LAPTM4A: variants seen among roughly 807,000 people sequenced by gnomAD.
LAPTM4A encodes lysosomal protein transmembrane 4 alpha, also known as lysosomal-associated transmembrane protein 4A.
A neutral mutation model predicts 29.9 loss-of-function variants in LAPTM4A; 19 were observed. That is an observed-to-expected ratio of 0.64 (90% CI 0.44 to 0.93). LAPTM4A has a LOEUF of 0.93. LAPTM4A is among the 40% of genes least tolerant of loss of function. LAPTM4A has a pLI of 0.00. For synonymous variants in LAPTM4A, 105 were observed against 102.1 expected, an observed-to-expected ratio of 1.03 and a Z score of -0.17; for missense variants, 293 against 288.5, an observed-to-expected ratio of 1.02 and a Z score of -0.11.
Position 20,040,753 on chromosome 2 carries a change from G to T in LAPTM4A, c.232+138C>A, listed in dbSNP as rs1011228588. 2.4e-5 allele frequency: 20 copies of T among 819,116 alleles called. No individual in the cohort carries two copies. The Admixed American group carries it at 4.9e-4, about 20-fold the overall frequency. 50.7% of individuals were successfully genotyped at this position (819,116 alleles called of 1,614,324 possible). ...AGTAGGCTACGCTATCTAGGTTTGTGTAAGTACACCCTATGATGTTCACAC... is the reference window on the plus strand; with the variant it reads ...AGTAGGCTACGCTATCTAGGTTTGTTTAAGTACACCCTATGATGTTCACAC... On this transcript the variant is annotated intron_variant, in intron 2 of 6. Coordinates refer to ENST00000175091, the MANE Select transcript of LAPTM4A (RefSeq NM_014713.5).
At chr2:20,033,916 T>C (rs1260024102) in intron 6 of LAPTM4A, among the ~76,000 whole-genome samples, 1 of 152,144 alleles carries the variant, frequency 6.6e-6, no homozygotes, top group Non-Finnish European at 1.5e-5. Context: ...GAAACCACTG[T>C]ATTCATCTCC....
At chr2:20,039,676 T>C (rs1291155824) in intron 2 of LAPTM4A, among the ~76,000 whole-genome samples, 1 of 152,230 alleles carries the variant, frequency 6.6e-6, no homozygotes, top group Non-Finnish European at 1.5e-5. Flanking sequence ...ACTGTACCAC[T>C]GCACTCCAGT....
At chr2:20,041,171 C>A (rs902969772) in intron 1 of LAPTM4A, among the ~76,000 whole-genome samples, 160 bp from the exon 2 acceptor site, 1 of 152,024 alleles carries the variant, frequency 6.6e-6, no homozygotes, top group African/African-American at 2.4e-5. Context: ...TACGCAATTA[C>A]CACTATGAGA....
chr2:20,033,266 G>A lies in LAPTM4A; in HGVS notation c.641C>T (p.Thr214Ile). The A allele has an allele frequency of 6.2e-7, 1 of 1,613,842 alleles. No homozygotes were observed. Among genetic ancestry groups the A allele is most frequent in the South Asian group, 1.1e-5 (1 of 91,072 alleles). The change falls in exon 7 of 7, where the codon ACC (threonine) becomes ATC (isoleucine). Residue 214 changes from threonine to isoleucine, a missense_variant. Physicochemically the swap from Thr to Ile is moderately conservative, Grantham distance 89 (BLOSUM62 -1). Coordinates refer to ENST00000175091, the MANE Select transcript of LAPTM4A (RefSeq NM_014713.5). Reference protein sequence around the residue: ...FEAPPQYVLPTYEMAVKMPEK... With the variant: ...FEAPPQYVLPIYEMAVKMPEK... The stretch of plus-strand genomic sequence containing the variant: ...AGGCATTTTCACGGCCATTTCATAG[G>A]TTGGCAAAACGTACTAAAGAGAGAA...
At chr2:20,050,240 C>T (rs1404080414) in intron 1 of LAPTM4A, among the ~76,000 whole-genome samples, 2 of 152,170 alleles carry the variant, frequency 1.3e-5, no homozygotes, top group Non-Finnish European at 2.9e-5. Context: ...CGGGGGTGGG[C>T]CATGAAACAG....
Position 20,051,395 on chromosome 2 carries a change from G to T in LAPTM4A, c.111+15C>A, listed in dbSNP as rs778752764. The T allele has an allele frequency of 7.2e-7, 1 of 1,390,098 alleles. No individual in the cohort carries two copies. Among genetic ancestry groups the T allele is most frequent in the Non-Finnish European group, 9.7e-7 (1 of 1,031,044 alleles). The allele number at this position is 1,390,098 out of a possible 1,614,324, so 86.1% of individuals were successfully genotyped here. ...CAGGCCCCCCGGACATACGCGCCAC[G>T]CCTGCCCGCCTTACCATGTACCAGG... On this transcript the variant is annotated intron_variant, in intron 1 of 6. Transcript: ENST00000175091.
intron 1 of LAPTM4A, among the ~76,000 whole-genome samples, chr2:20,042,247 G>A (rs1225793516): frequency 6.6e-6 from 1 of 152,164 alleles, no homozygotes; most frequent in East Asian, 1.9e-4. Context: ...TTACAGGCAT[G>A]AGCCACCGCA....
chr2:20,037,643 A>G (rs764480469), intron 2 of LAPTM4A, 29 bp from the exon 3 acceptor site: 1 of 1,443,530 alleles, frequency 6.9e-7, no homozygotes, highest in Non-Finnish European at 9.6e-7. Flanking sequence ...AAATCTAATT[A>G]AGCTACTTAC....
intron 4 of LAPTM4A, chr2:20,035,264 A>G (rs1249602279): frequency 1.3e-5 from 7 of 532,398 alleles, no homozygotes; most frequent in Non-Finnish European, 2.0e-5. Context: ...CTTAGAGTAC[A>G]TTTGATAACC....
chr2:20,034,621 A>T (rs933839472), intron 5 of LAPTM4A, among the ~76,000 whole-genome samples: 4 of 152,182 alleles, frequency 2.6e-5, no homozygotes, highest in Non-Finnish European at 4.4e-5. Context: ...TCAGAGAGAA[A>T]CCAGAGATGG....
intron 1 of LAPTM4A, among the ~76,000 whole-genome samples, chr2:20,042,574 G>C (rs531121820): frequency 6.6e-6 from 1 of 152,346 alleles, no homozygotes; most frequent in East Asian, 1.9e-4. Flanking sequence ...AAAGCTGCCA[G>C]AGGCTGCCCC....
chr2:20,038,832 T>C lies in LAPTM4A; in HGVS notation c.233-1218A>G, dbSNP rs532818286. Among the ~76,000 whole-genome samples, 20 of 151,056 alleles carry C rather than the reference T, an allele frequency of 1.3e-4. No individual in the cohort carries two copies. In the East Asian group the frequency reaches 3.7e-3, roughly 28 times the overall value. On this transcript the variant is annotated intron_variant, in intron 2 of 6. Transcript: ENST00000175091. The stretch of plus-strand genomic sequence containing the variant: ...GTATGCACAAAAGATGTTTTAAAAA[T>C]GAAAAAAGAAAAAAAATACTGAGGG...
Position 20,050,941 on chromosome 2 carries a change from A to G in LAPTM4A, c.111+469T>C, listed in dbSNP as rs541556302. ...TACCGCTGGATCTTTCGCTTTCCCA[A>G]CGGGAAGACCAATGTCGAAACTAGA... On this transcript the variant is annotated intron_variant, in intron 1 of 6. Transcript: ENST00000175091. Among the ~76,000 whole-genome samples, 11 of 152,362 alleles carry G rather than the reference A, an allele frequency of 7.2e-5. No individual in the cohort carries two copies. In the East Asian group the frequency reaches 2.1e-3, roughly 29 times the overall value.
chr2:20,048,020 T>C (rs961473002), intron 1 of LAPTM4A, among the ~76,000 whole-genome samples: 3 of 152,160 alleles, frequency 2.0e-5, no homozygotes, highest in African/African-American at 4.8e-5. Flanking sequence ...TAGAAAGGAA[T>C]AGAGCTTAAG....
chr2:20,047,607 G>A (rs1673958430), intron 1 of LAPTM4A, among the ~76,000 whole-genome samples: 3 of 148,622 alleles, frequency 2.0e-5, no homozygotes, highest in Admixed American at 6.7e-5. Context: ...GGAGAATGGC[G>A]TGAACCCGGG....
Position 20,051,531 on chromosome 2 carries a change from G to A in LAPTM4A, c.-11C>T. 1.3e-6 allele frequency: 2 copies of A among 1,558,672 alleles called. No homozygotes were observed. Among genetic ancestry groups the A allele is most frequent in the Non-Finnish European group, 1.8e-6 (2 of 1,141,728 alleles). ...ACTCATGGACACCATCGTAACAGGC[G>A]GGCCTCCTTCTTGGCCGGGCCCCTG... is the stretch of plus-strand genomic sequence containing the variant. On this transcript the variant is annotated 5_prime_UTR_variant, in exon 1 of 7. Coordinates refer to ENST00000175091, the MANE Select transcript of LAPTM4A (RefSeq NM_014713.5).
chr2:20,034,206 C>T (rs1301995697), intron 6 of LAPTM4A, 111 bp downstream of exon 6: 1 of 785,004 alleles, frequency 1.3e-6, no homozygotes, highest in Non-Finnish European at 2.3e-6. Context: ...ACCCAGGGTT[C>T]ATGCCCAAAC....
chr2:20,036,953 G>C (rs1407834538), intron 4 of LAPTM4A, among the ~76,000 whole-genome samples: 3 of 152,190 alleles, frequency 2.0e-5, no homozygotes, highest in Non-Finnish European at 4.4e-5. Flanking sequence ...AAACATAGTA[G>C]GCACTGGAAT....
At position 20,037,584 on chromosome 2, in the gene LAPTM4A, A is replaced by G; in HGVS notation, c.263T>C (p.Val88Ala). 1 of 1,609,428 alleles carries G rather than the reference A, an allele frequency of 6.2e-7. No individual in the cohort carries two copies. Among genetic ancestry groups the G allele is most frequent in the East Asian group, 2.2e-5 (1 of 44,808 alleles). Residue 88 changes from valine (V) to alanine (A), a missense_variant, in exon 3 of 7, where the codon GTT becomes GCT. By Grantham distance (64) the Val-to-Ala change is moderately conservative. Coordinates refer to ENST00000175091, the MANE Select transcript of LAPTM4A (RefSeq NM_014713.5). ...CATTGAACTGATTATAAACATAAGA[A>G]CAGAGACGGCAAAAAGAACACAGGC... ...DNACVLFAVS[V>A]LMFIISSMLV...
Sources: allele counts gnomAD v4.1 joint callset (sites outside exome capture counted in the v4.1 genomes callset), GRCh38; gene constraint gnomAD v4.1.1; transcripts MANE v1.5; gene names NCBI Gene and HGNC (gene_info 2026-07-23, HGNC 2026-07-21).